CALD1: variants seen among roughly 807,000 people sequenced by gnomAD.
CALD1 encodes the protein caldesmon 1.
CALD1 carries 33 observed loss-of-function variants against 99.9 expected under a neutral mutation model. That is an observed-to-expected ratio of 0.33 (90% CI 0.25 to 0.44). The LOEUF (loss-of-function observed/expected upper bound fraction) is 0.44. CALD1 is among the 20% of genes least tolerant of loss of function. The pLI is 1.00. For missense variants in CALD1, 861 were observed against 962.1 expected (o/e 0.89, Z 1.39); for synonymous variants, 310 against 325.0 (o/e 0.95, Z 0.50).
intron 3 of CALD1, among the ~76,000 whole-genome samples, chr7:134,917,351 A>C (rs1054795848): frequency 6.6e-6 from 1 of 152,048 alleles, no homozygotes; most frequent in Non-Finnish European, 1.5e-5. Context: ...ATTTAAAAAA[A>C]ATTTTTATTT....
intron 3 of CALD1, among the ~76,000 whole-genome samples, chr7:134,911,198 CTTTTTTT>C (rs964515625): frequency 2.2e-4 from 26 of 118,128 alleles, no homozygotes; most frequent in African/African-American, 6.5e-4. Flanking sequence ...TTTCCTTTTT[CTTTTTTT>C]TTTTTTTTTT....
At chr7:134,876,338 C>T (rs770200712) in intron 3 of CALD1, among the ~76,000 whole-genome samples, 7 of 152,130 alleles carry the variant, frequency 4.6e-5, no homozygotes, top group Admixed American at 1.3e-4. Flanking sequence ...AGTGTGGGCC[C>T]CTGGACAAAC....
chr7:134,950,530 G>GA lies in CALD1; in HGVS notation c.1935+20dup. 6.2e-7 allele frequency: 1 copy of GA among 1,608,364 alleles called. No homozygotes were observed. Among genetic ancestry groups the GA allele is most frequent in the Non-Finnish European group, 8.5e-7 (1 of 1,175,476 alleles). ...ATCTCTCAAGGTATTTTTTTCCCCA[G>GA]AAAACTTCTATTAGAATATGATAGA... On this transcript the variant is annotated intron_variant, in intron 9 of 14. Coordinates refer to ENST00000361675, the MANE Select transcript of CALD1 (RefSeq NM_033138.4).
In CALD1 at chr7:134,947,572, G is replaced by T; in HGVS notation, c.1597G>T (p.Gly533Cys). The change falls in exon 8 of 15, where the codon GGC becomes TGC. Residue 533 changes from glycine to cysteine, a missense_variant. Gly to Cys is a radical substitution (Grantham distance 159). Coordinates refer to ENST00000361675, the MANE Select transcript of CALD1 (RefSeq NM_033138.4). ...EAEGAPQVEA[G>C]KRLEELRRRR... ...TGAGGGCGCCCCCCAGGTGGAAGCC[G>T]GCAAAAGGCTGGAGGAGCTTCGTCG... 1.3e-6 allele frequency: 2 copies of T among 1,562,056 alleles called. No homozygotes were observed. The highest frequency in any genetic ancestry group is 1.7e-6 in the Non-Finnish European group (2 of 1,152,712).
rs376002141 is a variant in CALD1, at chr7:134,944,563, G to A, written c.1533-2945G>A. ...TATATTATAAAATCAATATTGCACA[G>A]TGTATTTCTTGAGCCCATTTCTTGT... On this transcript the variant is annotated intron_variant, in intron 7 of 14. Transcript: ENST00000361675. The A allele has an allele frequency of 1.1e-3, 164 of 151,972 alleles. 1 individual carries two copies. Among genetic ancestry groups the A allele is most frequent in the African/African-American group, 3.8e-3 (159 of 41,472 alleles). The allele number at this position is 151,972 out of a possible 1,614,324, so 9.4% of individuals were successfully genotyped here.
At chr7:134,818,540 A>C (rs1798646319) in intron 1 of CALD1, among the ~76,000 whole-genome samples, 1 of 152,180 alleles carries the variant, frequency 6.6e-6, no homozygotes, top group Non-Finnish European at 1.5e-5. Flanking sequence ...CAGGCCCCAG[A>C]GTTTGCCAGT....
intron 1 of CALD1, among the ~76,000 whole-genome samples, chr7:134,769,890 G>A (rs113302837): frequency 1.4e-3 from 220 of 152,104 alleles, no homozygotes; most frequent in African/African-American, 4.1e-3. Flanking sequence ...CTCCTGCCTC[G>A]GCCTCCCAAA....
At chr7:134,733,342 C>T in the CALD1 span, among the ~76,000 whole-genome samples, 3 of 152,074 alleles carry the variant, frequency 2.0e-5, no homozygotes, top group South Asian at 2.1e-4. Flanking sequence ...AGATGAGTTA[C>T]GGGTGGCACA....
At chr7:134,773,782 CTGTG>C (rs36104737) in intron 1 of CALD1, among the ~76,000 whole-genome samples, 15,303 of 138,532 alleles carry the variant, frequency 0.11, 1,236 homozygotes, top group African/African-American at 0.23. Context: ...AACCTCTCTT[CTGTG>C]TGTGTGTGTG....
upstream of CALD1, among the ~76,000 whole-genome samples, chr7:134,743,479 G>A (rs2131534271): frequency 6.6e-6 from 1 of 152,280 alleles, no homozygotes; most frequent in South Asian, 2.1e-4. Flanking sequence ...GGGAATTGGA[G>A]TTCATTTCCT....
chr7:134,862,955 C>T (rs1800625552), intron 2 of CALD1, among the ~76,000 whole-genome samples: 1 of 152,214 alleles, frequency 6.6e-6, no homozygotes, highest in South Asian at 2.1e-4. Flanking sequence ...TGTCCCATTT[C>T]TCTTTCTCAG....
chr7:134,781,118 G>A (rs540377240), intron 1 of CALD1, among the ~76,000 whole-genome samples: 1 of 152,296 alleles, frequency 6.6e-6, no homozygotes, highest in African/African-American at 2.4e-5. Context: ...ACAGTTCTGA[G>A]TAAGTGTGAG....
intron 2 of CALD1, among the ~76,000 whole-genome samples, chr7:134,860,483 C>G (rs1355512383): frequency 6.6e-6 from 1 of 152,162 alleles, no homozygotes; most frequent in Non-Finnish European, 1.5e-5. Flanking sequence ...TTTGTAAACA[C>G]TGATCAGTCA....
chr7:134,947,411 A>C (rs1056541490), intron 7 of CALD1, 97 bp from the exon 8 acceptor site: 1 of 1,253,952 alleles, frequency 8.0e-7, no homozygotes, highest in African/African-American at 1.5e-5. Flanking sequence ...GTGGGTATTT[A>C]GTCGGGGATG....
rs989075116 is a variant in CALD1, at chr7:134,947,571, C to G, written c.1596C>G (p.Ala532=). ...CTGAGGGCGCCCCCCAGGTGGAAGC[C>G]GGCAAAAGGCTGGAGGAGCTTCGTC... ...KEAEGAPQVE[A]GKRLEELRRR... Residue 532 remains alanine, a synonymous_variant, in exon 8 of 15, where the codon GCC becomes GCG. Coordinates refer to ENST00000361675, the MANE Select transcript of CALD1 (RefSeq NM_033138.4). 1 of 1,561,856 alleles carries G rather than the reference C, an allele frequency of 6.4e-7. No homozygotes were observed. The highest frequency in any genetic ancestry group is 1.2e-5 in the South Asian group (1 of 84,804).
intron 1 of CALD1, among the ~76,000 whole-genome samples, chr7:134,803,511 TTA>T (rs1299857626): frequency 6.6e-6 from 1 of 152,158 alleles, no homozygotes; most frequent in Non-Finnish European, 1.5e-5. Flanking sequence ...GTTTTTGTTT[TTA>T]TGTTTAGATC....
At chr7:134,870,327 C>T (rs1452155450) in intron 3 of CALD1, among the ~76,000 whole-genome samples, 2 of 152,148 alleles carry the variant, frequency 1.3e-5, no homozygotes, top group African/African-American at 4.8e-5. Flanking sequence ...TTCCTTTCCA[C>T]GTGAACAGGG....
At chr7:134,792,286 C>CTT (rs1228341394) in intron 1 of CALD1, among the ~76,000 whole-genome samples, 38 of 122,760 alleles carry the variant, frequency 3.1e-4, no homozygotes, top group Non-Finnish European at 4.4e-4. Context: ...ATTTCCTCTT[C>CTT]TTTTTTTTTT....
At chr7:134,910,289 T>C (rs1158048194) in intron 3 of CALD1, among the ~76,000 whole-genome samples, 2 of 152,186 alleles carry the variant, frequency 1.3e-5, no homozygotes, top group African/African-American at 4.8e-5. Flanking sequence ...CAGCCCGTGA[T>C]AGGGTGGATT....
Sources: allele counts gnomAD v4.1 joint callset (sites outside exome capture counted in the v4.1 genomes callset), GRCh38; gene constraint gnomAD v4.1.1; transcripts MANE v1.5; gene names NCBI Gene and HGNC (gene_info 2026-07-23, HGNC 2026-07-21).